SH3PXD2B: variants seen among roughly 807,000 people sequenced by gnomAD.
SH3PXD2B encodes the protein SH3 and PX domains 2B, also known as SH3 and PX domain-containing protein 2B.
Under a neutral mutation model 73.1 loss-of-function variants are expected in SH3PXD2B, and 37 were observed. That is an observed-to-expected ratio of 0.51 (90% CI 0.39 to 0.67). The LOEUF is 0.67. Among genes scored for constraint, SH3PXD2B ranks in the 30% least tolerant of loss-of-function variants. The pLI, the probability that SH3PXD2B is intolerant of heterozygous loss-of-function variation, is 0.00. For synonymous variants in SH3PXD2B, 457 were observed against 480.5 expected (o/e 0.95, Z 0.64); for missense variants, 1,053 against 1,197.8 (o/e 0.88, Z 1.78).
At chr5:172,379,589 T>C (rs1342300828) in intron 5 of SH3PXD2B, among the ~76,000 whole-genome samples, 1 of 152,188 alleles carries the variant, frequency 6.6e-6, no homozygotes, top group African/African-American at 2.4e-5. Context: ...CTGGGCATCT[T>C]GATCAACTCT....
At chr5:172,410,382 C>T (rs1409871545) in intron 2 of SH3PXD2B, among the ~76,000 whole-genome samples, 3 of 152,134 alleles carry the variant, frequency 2.0e-5, no homozygotes, top group African/African-American at 7.2e-5. Flanking sequence ...ATGCTTGGTC[C>T]ACTGTCATTC....
chr5:172,373,322 C>T (rs1757748217), intron 6 of SH3PXD2B, among the ~76,000 whole-genome samples: 1 of 152,160 alleles, frequency 6.6e-6, no homozygotes, highest in Non-Finnish European at 1.5e-5. Flanking sequence ...ACCCAGGGTC[C>T]CTCCTTTCCG....
chr5:172,350,350 G>A lies in SH3PXD2B; in HGVS notation c.1012+13C>T, dbSNP rs774095216. 15 of 1,611,984 alleles carry A rather than the reference G, an allele frequency of 9.3e-6. No homozygotes were observed. The highest frequency in any genetic ancestry group is 1.7e-5 in the Admixed American group (1 of 59,984). ...GGCCCTGATTATCAGGAGCTTGGGC[G>A]GGTGTCACTCACTCTGCTTGGCGTC... On this transcript the variant is annotated intron_variant, in intron 10 of 12. Transcript: ENST00000311601.
Position 172,336,176 on chromosome 5 carries a change from G to A in SH3PXD2B, c.*2193C>T. 1 of 985,848 alleles carries A rather than the reference G, an allele frequency of 1.0e-6. No homozygotes were observed. Among genetic ancestry groups the A allele is most frequent in the South Asian group, 4.7e-5 (1 of 21,294 alleles). The allele number at this position is 985,848 out of a possible 1,614,324, so 61.1% of individuals were successfully genotyped here. A position where few individuals can be genotyped will look rare whatever the true frequency, so the allele number is the denominator to read the frequency against. ...TCACAAAGTATCTGAAAGCGTCGCT[G>A]AAAGGCAAAGAGCAAATCAGAAAAA... On this transcript the variant is annotated 3_prime_UTR_variant, in exon 13 of 13. Transcript: ENST00000311601.
chr5:172,396,201 A>G (rs1174049852), intron 3 of SH3PXD2B, among the ~76,000 whole-genome samples: 2 of 19,548 alleles, frequency 1.0e-4, no homozygotes, highest in African/African-American at 3.7e-4. Flanking sequence ...AAAAATACAA[A>G]AAAAAAAAAA....
chr5:172,366,223 A>G lies in SH3PXD2B; in HGVS notation c.428-3354T>C, dbSNP rs183418968. 7.2e-5 allele frequency among the ~76,000 whole-genome samples: 11 copies of G among 152,204 alleles called. No homozygotes were observed. In the South Asian group the frequency reaches 2.1e-3, roughly 29 times the overall value. On this transcript the variant is annotated intron_variant, in intron 6 of 12. Coordinates refer to ENST00000311601, the MANE Select transcript of SH3PXD2B (RefSeq NM_001017995.3). The stretch of plus-strand genomic sequence containing the variant: ...GTGCAGTGCTCCATCACCTGGCTTC[A>G]CCATGTCCTCATGGAGCCACACCCT...
Position 172,382,568 on chromosome 5 carries a change from C to CAG in SH3PXD2B, c.310-442_310-441insCT, listed in dbSNP as rs199770789. ...TGGTTTGGAGAACAACACACACACACACACACACACACAATGTATGATATA... is the reference window on the plus strand; with the variant it reads ...TGGTTTGGAGAACAACACACACACACAGACACACACACACAATGTATGATATA... On this transcript the variant is annotated intron_variant, in intron 4 of 12. Coordinates refer to ENST00000311601, the MANE Select transcript of SH3PXD2B (RefSeq NM_001017995.3). 6.0e-3 allele frequency among the ~76,000 whole-genome samples: 918 copies of CAG among 152,060 alleles called. 10 individuals carry two copies. The highest frequency in any genetic ancestry group is 0.021 in the African/African-American group (870 of 41,430).
chr5:172,346,324 G>C (rs1756998224), intron 11 of SH3PXD2B, 63 bp from the exon 12 acceptor site: 2 of 1,609,764 alleles, frequency 1.2e-6, no homozygotes, highest in South Asian at 1.1e-5. Context: ...CCTGTGTCAG[G>C]GGGAGTCTAA....
intron 4 of SH3PXD2B, among the ~76,000 whole-genome samples, chr5:172,382,660 T>G (rs1468504896): frequency 2.0e-5 from 3 of 152,208 alleles, no homozygotes; most frequent in African/African-American, 4.8e-5. Context: ...CAGACCATAC[T>G]GTACATGCTA....
At chr5:172,344,960 A>G (rs1561894096) in intron 12 of SH3PXD2B, among the ~76,000 whole-genome samples, 2 of 151,006 alleles carry the variant, frequency 1.3e-5, no homozygotes, top group African/African-American at 4.9e-5. Flanking sequence ...GGAGGAAAGG[A>G]AGGAAGGAGG....
chr5:172,385,182 C>A (rs141952172), intron 4 of SH3PXD2B, among the ~76,000 whole-genome samples: 2 of 152,266 alleles, frequency 1.3e-5, no homozygotes, highest in East Asian at 3.9e-4. Flanking sequence ...TGAAATCCTG[C>A]AGCCCTTGCA....
At chr5:172,438,051 G>T (rs1759434944) in intron 1 of SH3PXD2B, among the ~76,000 whole-genome samples, 2 of 152,184 alleles carry the variant, frequency 1.3e-5, no homozygotes, top group East Asian at 3.9e-4. Context: ...ACACCACACA[G>T]GCACAACGTG....
At chr5:172,347,099 T>C (rs1317095684) in intron 11 of SH3PXD2B, among the ~76,000 whole-genome samples, 184 bp downstream of exon 11, 1 of 152,212 alleles carries the variant, frequency 6.6e-6, no homozygotes, top group Admixed American at 6.5e-5. Context: ...CTGTTTCACC[T>C]GCCTGCACCT....
At position 172,338,205 on chromosome 5, in the gene SH3PXD2B, G is replaced by A. The variant is rs1280194894; in HGVS notation, c.*164C>T. The A allele has an allele frequency of 6.6e-7, 1 of 1,515,478 alleles. No individual in the cohort carries two copies. Among genetic ancestry groups the A allele is most frequent in the Non-Finnish European group, 8.8e-7 (1 of 1,133,396 alleles). 93.9% of individuals were successfully genotyped at this position (1,515,478 alleles called of 1,614,324 possible). ...AGGGATCAGGCCCAGGGGCGCCCGA[G>A]GTGTCCGAAACTCACTCTCCACCCA... is the stretch of plus-strand genomic sequence containing the variant. On this transcript the variant is annotated 3_prime_UTR_variant, in exon 13 of 13. Transcript: ENST00000311601. This position sits in a 1 kb window ranked among gnomAD's most constrained non-coding sequence, Gnocchi z 5.1.
At position 172,337,673 on chromosome 5, in the gene SH3PXD2B, G is replaced by C; in HGVS notation, c.*696C>G. ...TGCAGCAGCAAAGCGCAGCATACGCGGGGCTGGAACCACCCTTCAGGGCTG... is the reference window on the plus strand; with the variant it reads ...TGCAGCAGCAAAGCGCAGCATACGCCGGGCTGGAACCACCCTTCAGGGCTG... On this transcript the variant is annotated 3_prime_UTR_variant, in exon 13 of 13. Coordinates refer to ENST00000311601, the MANE Select transcript of SH3PXD2B (RefSeq NM_001017995.3). 1.0e-6 allele frequency: 1 copy of C among 987,408 alleles called. No homozygotes were observed. Among genetic ancestry groups the C allele is most frequent in the Non-Finnish European group, 1.2e-6 (1 of 831,302 alleles). The allele number at this position is 987,408 out of a possible 1,614,324, so 61.2% of individuals were successfully genotyped here.
At chr5:172,346,285 A>T in intron 11 of SH3PXD2B, 24 bp from the exon 12 acceptor site, 1 of 1,613,244 alleles carries the variant, frequency 6.2e-7, no homozygotes, top group Non-Finnish European at 8.5e-7. Flanking sequence ...ACACAGGGTT[A>T]TCTCCAAGGC....
Position 172,350,555 on chromosome 5 carries a change from A to G in SH3PXD2B, c.820T>C (p.Tyr274His), listed in dbSNP as rs1757139556. The G allele has an allele frequency of 1.9e-6, 3 of 1,613,128 alleles. No individual in the cohort carries two copies. The highest frequency in any genetic ancestry group is 2.5e-6 in the Non-Finnish European group (3 of 1,179,630). The change falls in exon 10 of 13, where the codon TAC (tyrosine) becomes CAC (histidine). Residue 274 changes from tyrosine (Y) to histidine (H), a missense_variant. By Grantham distance (83) the Tyr-to-His change is moderately conservative. Transcript: ENST00000311601. ...QGKEGWAPASYLKKNSGEPLP... is the reference protein window; with the variant it reads ...QGKEGWAPASHLKKNSGEPLP... ...GGCTCCCCACTGTTCTTCTTTAGGTAGGAGGCGGGGGCCCAGCCTTCTTTG... is the reference window on the plus strand; with the variant it reads ...GGCTCCCCACTGTTCTTCTTTAGGTGGGAGGCGGGGGCCCAGCCTTCTTTG...
rs1297518148 is a variant in SH3PXD2B, at chr5:172,337,527, G to A, written c.*842C>T. 2 of 985,454 alleles carry A rather than the reference G, an allele frequency of 2.0e-6. No individual in the cohort carries two copies. The highest frequency in any genetic ancestry group is 4.7e-5 in the South Asian group (1 of 21,296). 61.0% of individuals were successfully genotyped at this position (985,454 alleles called of 1,614,324 possible). A position where few individuals can be genotyped will look rare whatever the true frequency, so the allele number is the denominator to read the frequency against. ...AGCAAAGGGGTGCTCACAAGGGCAC[G>A]ACTTGTGAATGGGCCTCTTATTCAA... On this transcript the variant is annotated 3_prime_UTR_variant, in exon 13 of 13. Coordinates refer to ENST00000311601, the MANE Select transcript of SH3PXD2B (RefSeq NM_001017995.3).
At chr5:172,355,521 C>T (rs1474642100) in intron 8 of SH3PXD2B, among the ~76,000 whole-genome samples, 4 of 151,744 alleles carry the variant, frequency 2.6e-5, no homozygotes, top group Non-Finnish European at 4.4e-5. Flanking sequence ...CATCCTTCAG[C>T]TGAGTTGCAT....
Sources: gnomAD v4.1 joint callset for allele counts (sites outside exome capture counted in the v4.1 genomes callset) on GRCh38, gnomAD v4.1.1 for gene constraint, Gnocchi (gnomAD v3.1) non-coding constraint, MANE v1.5 for transcripts, NCBI Gene and HGNC (gene_info 2026-07-23, HGNC 2026-07-21) for gene names.